Variants in CRKL observed in about 807,000 individuals in gnomAD.
CRKL encodes crk-like protein.
CRKL carries 3 observed loss-of-function variants against 23.0 expected under a neutral mutation model. The ratio of observed to expected loss-of-function variants is 0.13; its 90% CI spans 0.06 to 0.34. The LOEUF (loss-of-function observed/expected upper bound fraction) is 0.34, where lower values mean the gene tolerates loss of function less well. Ranked by LOEUF, CRKL falls within the 10% of genes least tolerant of loss-of-function variation. The pLI, the probability that CRKL is intolerant of heterozygous loss-of-function variation, is 1.00. For synonymous variants in CRKL, 188 were observed against 160.7 expected (o/e 1.17, Z -1.28); for missense variants, 256 against 394.5 (o/e 0.65, Z 2.97).
In CRKL at chr22:20,953,203, C is replaced by T. The variant is rs1175888626; in HGVS notation, c.*3358C>T. 4.3e-6 allele frequency: 1 copy of T among 231,646 alleles called. No individual in the cohort carries two copies. The highest frequency in any genetic ancestry group is 8.6e-6 in the Non-Finnish European group (1 of 116,948). The allele number at this position is 231,646 out of a possible 1,614,324, so 14.3% of individuals were successfully genotyped here. ...GAATGAATTCTTGATTGTTTTAACA[C>T]AGTACCTAAGACTAATGCTTTCTGT... On this transcript the variant is annotated 3_prime_UTR_variant, in exon 3 of 3. Transcript: ENST00000354336.
intron 1 of CRKL, among the ~76,000 whole-genome samples, chr22:20,933,214 GA>G (rs1435330068): frequency 4.0e-5 from 6 of 151,576 alleles, no homozygotes; most frequent in Admixed American, 6.6e-5. Flanking sequence ...ACTAAAAATA[GA>G]AAAAATTAGC....
chr22:20,918,301 G>A (rs2147892260), intron 1 of CRKL, 56 bp downstream of exon 1: 1 of 1,576,920 alleles, frequency 6.3e-7, no homozygotes, highest in Non-Finnish European at 8.6e-7. Flanking sequence ...GTCTGTCGAA[G>A]AGTGCTTGTA....
chr22:20,917,495 G>A lies in CRKL; in HGVS notation c.-440G>A. ...TTGCTGTGGCTATTGGGAACAAGCTGGGCAAAAGCACCCCGGAGGCGCGAC... is the reference window on the plus strand; with the variant it reads ...TTGCTGTGGCTATTGGGAACAAGCTAGGCAAAAGCACCCCGGAGGCGCGAC... On this transcript the variant is annotated 5_prime_UTR_variant, in exon 1 of 3. Coordinates refer to ENST00000354336, the MANE Select transcript of CRKL (RefSeq NM_005207.4). 2 of 246,700 alleles carry A rather than the reference G, an allele frequency of 8.1e-6. No homozygotes were observed. The highest frequency in any genetic ancestry group is 6.0e-5 in the East Asian group (1 of 16,754). 15.3% of individuals were successfully genotyped at this position (246,700 alleles called of 1,614,324 possible).
rs758463810 is a variant in CRKL, at chr22:20,918,135, C to G, written c.201C>G (p.Pro67=). The G allele has an allele frequency of 8.1e-6, 13 of 1,614,064 alleles. No individual in the cohort carries two copies. The East Asian group carries it at 2.7e-4, about 33-fold the overall frequency. The change falls in exon 1 of 3, where the codon CCC becomes CCG. Residue 67 remains proline, a synonymous_variant. Coordinates refer to ENST00000354336, the MANE Select transcript of CRKL (RefSeq NM_005207.4). The part of the protein sequence containing the change: ...RVSHYIINSL[P]NRRFKIGDQE... The stretch of plus-strand genomic sequence containing the variant: ...CCCACTACATCATCAACTCGCTGCC[C>G]AACCGCCGTTTTAAGATCGGGGACC...
intron 1 of CRKL, among the ~76,000 whole-genome samples, chr22:20,927,422 C>A (rs113532459): frequency 6.7e-6 from 1 of 149,648 alleles, no homozygotes. Context: ...AAACTCCTGA[C>A]CTCAGGTGAT....
chr22:20,920,344 T>C (rs973287468), intron 1 of CRKL, among the ~76,000 whole-genome samples: 1 of 151,806 alleles, frequency 6.6e-6, no homozygotes, highest in Admixed American at 6.6e-5. Context: ...CTGCTAAAAA[T>C]ACAAAAAATT....
chr22:20,943,515 C>T (rs1167603248), intron 2 of CRKL, among the ~76,000 whole-genome samples: 8 of 152,218 alleles, frequency 5.3e-5, no homozygotes, highest in Non-Finnish European at 1.0e-4. Context: ...GCCAGGATTA[C>T]AGGCGTGCGC....
At chr22:20,932,916 C>T (rs1455378598) in intron 1 of CRKL, among the ~76,000 whole-genome samples, 2 of 151,374 alleles carry the variant, frequency 1.3e-5, no homozygotes, top group African/African-American at 4.9e-5. Flanking sequence ...CCTGTCTCTA[C>T]TAAAAATACA....
rs1921881408 is a variant in CRKL at position 20,941,582 on chromosome 22, A to ATT, written c.777+7339_777+7340insTT. Among the ~76,000 whole-genome samples, 2 of 11,712 alleles carry ATT rather than the reference A, an allele frequency of 1.7e-4. 1 individual carries two copies. The highest frequency in any genetic ancestry group is 3.8e-4 in the Non-Finnish European group (2 of 5,282). The allele number at this position is 11,712 out of a possible 152,430, so 7.7% of individuals were successfully genotyped here. ...TGTGTGTGTGTGTGTGTGTGTGTAT[A>ATT]TATATATTTTTTTTTTTTTTTTTTT... On this transcript the variant is annotated intron_variant, in intron 2 of 2. Coordinates refer to ENST00000354336, the MANE Select transcript of CRKL (RefSeq NM_005207.4).
intron 2 of CRKL, among the ~76,000 whole-genome samples, chr22:20,939,850 G>A (rs1243032073): frequency 4.0e-5 from 6 of 148,762 alleles, no homozygotes; most frequent in African/African-American, 7.5e-5. Flanking sequence ...GTGCAATGGC[G>A]TGATCTCGGC....
intron 1 of CRKL, among the ~76,000 whole-genome samples, chr22:20,921,247 A>G (rs537103834): frequency 6.8e-4 from 103 of 152,354 alleles, no homozygotes; most frequent in African/African-American, 2.4e-3. Context: ...TATCTTGCAT[A>G]GCTAAAATTT....
At chr22:20,923,884 A>G (rs1010411125) in intron 1 of CRKL, among the ~76,000 whole-genome samples, 15 of 151,898 alleles carry the variant, frequency 9.9e-5, no homozygotes, top group African/African-American at 3.4e-4. Flanking sequence ...GGCTACTAAA[A>G]AAAAAAAAAA....
intron 2 of CRKL, among the ~76,000 whole-genome samples, chr22:20,937,216 G>T (rs894123162): frequency 6.6e-6 from 1 of 152,132 alleles, no homozygotes; most frequent in Non-Finnish European, 1.5e-5. Flanking sequence ...CTCTGGCCTG[G>T]TCTATGCCTC....
rs1187984983 is a variant in CRKL at position 20,941,538 on chromosome 22, ATGTGTGTGTGTGTGTGTG to A, written c.777+7318_777+7335del. The stretch of plus-strand genomic sequence containing the variant: ...GTATGTGTATATATATATATATTTT[ATGTGTGTGTGTGTGTGTG>A]TGTGTGTGTGTGTGTGTGTGTGTAT... On this transcript the variant is annotated intron_variant, in intron 2 of 2. Coordinates refer to ENST00000354336, the MANE Select transcript of CRKL (RefSeq NM_005207.4). 3.3e-3 allele frequency among the ~76,000 whole-genome samples: 164 copies of A among 50,416 alleles called. 23 individuals carry two copies. The highest frequency in any genetic ancestry group is 5.8e-3 in the African/African-American group (78 of 13,388). The allele number at this position is 50,416 out of a possible 152,430, so 33.1% of individuals were successfully genotyped here. A position where few individuals can be genotyped will look rare whatever the true frequency, so the allele number is the denominator to read the frequency against.
intron 2 of CRKL, among the ~76,000 whole-genome samples, chr22:20,936,550 C>T (rs1921666925): frequency 6.6e-6 from 1 of 151,982 alleles, no homozygotes; most frequent in Non-Finnish European, 1.5e-5. Flanking sequence ...GGGGTTTCTC[C>T]ATGTTGGTGA....
chr22:20,937,004 G>T (rs1324107596), intron 2 of CRKL, among the ~76,000 whole-genome samples: 1 of 152,096 alleles, frequency 6.6e-6, no homozygotes, highest in Non-Finnish European at 1.5e-5. Context: ...GGGATTACAG[G>T]TGCCCGCCAC....
chr22:20,927,128 A>AAAAAAAAAAAAAAAG lies in CRKL; in HGVS notation c.312-6643_312-6642insAAAAAAGAAAAAAAA, dbSNP rs1555918902. ...CTCCGTCTCAAAAAAAAAAAAAAAAAAAAAAAAAGAATGGTGGTTAAAGCA... is the reference window on the plus strand; with the variant it reads ...CTCCGTCTCAAAAAAAAAAAAAAAAAAAAAAAAAAAAAAAGAAAAAAAAGAATGGTGGTTAAAGCA... On this transcript the variant is annotated intron_variant, in intron 1 of 2. Transcript: ENST00000354336. Among the ~76,000 whole-genome samples, 121 of 125,796 alleles carry AAAAAAAAAAAAAAAG rather than the reference A, an allele frequency of 9.6e-4. 6 individuals are homozygous for AAAAAAAAAAAAAAAG. The highest frequency in any genetic ancestry group is 3.3e-3 in the African/African-American group (111 of 33,960). 82.5% of individuals were successfully genotyped at this position (125,796 alleles called of 152,430 possible).
chr22:20,929,899 T>A (rs1921377218), intron 1 of CRKL, among the ~76,000 whole-genome samples: 1 of 152,212 alleles, frequency 6.6e-6, no homozygotes, highest in Non-Finnish European at 1.5e-5. Context: ...ATGGAAAGGC[T>A]AAGATATCTG....
chr22:20,923,575 C>CTACTAA (rs1303646911), intron 1 of CRKL, among the ~76,000 whole-genome samples: 2 of 109,796 alleles, frequency 1.8e-5, no homozygotes, highest in Non-Finnish European at 1.8e-5. Flanking sequence ...CCGCGCCTGG[C>CTACTAA]ATTTTTTTTT....
Sources: gnomAD v4.1 joint callset for allele counts (sites outside exome capture counted in the v4.1 genomes callset) on GRCh38, gnomAD v4.1.1 for gene constraint, MANE v1.5 for transcripts, NCBI Gene and HGNC (gene_info 2026-07-23, HGNC 2026-07-21) for gene names.